The following KCNIP1 variants were observed in gnomAD, a reference collection of about 807,000 sequenced individuals.
The protein encoded by KCNIP1 is potassium voltage-gated channel interacting protein 1.
In KCNIP1, 18 loss-of-function variants were observed where a neutral mutation model predicts 33.0. That is an observed-to-expected ratio of 0.55 (90% confidence interval 0.38 to 0.81). The LOEUF (loss-of-function observed/expected upper bound fraction) is 0.81. Ranked by LOEUF, KCNIP1 falls within the 30% of genes least tolerant of loss-of-function variation. The pLI, the probability that KCNIP1 is intolerant of heterozygous loss-of-function variation, is 0.00. For missense variants in KCNIP1, 238 were observed against 271.6 expected, an observed-to-expected ratio of 0.88 and a Z score of 0.87; for synonymous variants, 93 against 98.3, an observed-to-expected ratio of 0.95 and a Z score of 0.32.
chr5:170,523,184 G>T (rs1431210484), intron 1 of KCNIP1, among the ~76,000 whole-genome samples: 1 of 152,144 alleles, frequency 6.6e-6, no homozygotes, highest in Admixed American at 6.5e-5. Flanking sequence ...GCCCCACCCT[G>T]CCACCGGAAG....
intron 1 of KCNIP1, among the ~76,000 whole-genome samples, chr5:170,449,840 T>C (rs893351467): frequency 1.3e-5 from 2 of 152,030 alleles, no homozygotes; most frequent in East Asian, 3.9e-4. Context: ...GAAGCAGTCA[T>C]ATAGGGCCTG....
chr5:170,558,160 A>G (rs900511422), intron 1 of KCNIP1, among the ~76,000 whole-genome samples: 1 of 152,162 alleles, frequency 6.6e-6, no homozygotes, highest in African/African-American at 2.4e-5. Flanking sequence ...TCCCCAGGTA[A>G]TGTGACAATG....
chr5:170,622,615 T>C (rs1427136336), intron 1 of KCNIP1, among the ~76,000 whole-genome samples: 1 of 126,750 alleles, frequency 7.9e-6, no homozygotes. Context: ...AGCGTGAGAC[T>C]CTGTCTCAAA....
intron 1 of KCNIP1, among the ~76,000 whole-genome samples, chr5:170,612,691 G>T (rs867323379): frequency 2.6e-5 from 4 of 152,210 alleles, no homozygotes; most frequent in South Asian, 4.1e-4. Context: ...AGAACAGACG[G>T]ATCGCCCTGC....
chr5:170,691,094 G>A (rs1762702884), intron 1 of KCNIP1, among the ~76,000 whole-genome samples: 1 of 152,208 alleles, frequency 6.6e-6, no homozygotes, highest in Non-Finnish European at 1.5e-5. Flanking sequence ...ACCTAGCCAA[G>A]GCTACAGCAT....
intron 1 of KCNIP1, among the ~76,000 whole-genome samples, chr5:170,469,028 A>C (rs1010644731): frequency 2.0e-5 from 3 of 152,166 alleles, no homozygotes; most frequent in Middle Eastern, 3.2e-3. Context: ...TAAGCATAGA[A>C]TCTCTCCCCA....
At chr5:170,552,801 C>T (rs115683160) in intron 1 of KCNIP1, among the ~76,000 whole-genome samples, 3,221 of 152,322 alleles carry the variant, frequency 0.021, 119 homozygotes, top group African/African-American at 0.073. Context: ...CAAGTTCAGC[C>T]GTGCTGCAGG....
At chr5:170,721,629 A>G in intron 3 of KCNIP1, 1 of 955,804 alleles carries the variant, frequency 1.0e-6, no homozygotes, top group South Asian at 1.6e-5. Context: ...GGGAGGGGCA[A>G]GGGCTCATCT....
chr5:170,709,264 C>T (rs1043206210), intron 1 of KCNIP1, among the ~76,000 whole-genome samples: 3 of 152,150 alleles, frequency 2.0e-5, no homozygotes, highest in Non-Finnish European at 1.5e-5. Context: ...CCAATTATGA[C>T]TGTGAATTTA....
chr5:170,625,591 C>T (rs775661756), intron 1 of KCNIP1, among the ~76,000 whole-genome samples: 2 of 152,230 alleles, frequency 1.3e-5, no homozygotes, highest in Non-Finnish European at 2.9e-5. Flanking sequence ...CTTTCACTGA[C>T]ATATCTGGGA....
chr5:170,476,093 C>T (rs1756851965), intron 1 of KCNIP1, among the ~76,000 whole-genome samples: 1 of 152,122 alleles, frequency 6.6e-6, no homozygotes, highest in South Asian at 2.1e-4. Flanking sequence ...ACCTCAGCCT[C>T]CTGACTAGCT....
intron 1 of KCNIP1, among the ~76,000 whole-genome samples, chr5:170,496,097 C>T (rs1757306255): frequency 6.6e-6 from 1 of 152,186 alleles, no homozygotes; most frequent in African/African-American, 2.4e-5. Flanking sequence ...CTCCTCCCCT[C>T]CCTGCTCACT....
intron 1 of KCNIP1, chr5:170,383,362 CTT>C (rs1384540027): frequency 1.7e-6 from 1 of 592,012 alleles, no homozygotes. Flanking sequence ...AAGCGTGGCA[CTT>C]TATATACAGC....
intron 1 of KCNIP1, among the ~76,000 whole-genome samples, chr5:170,591,715 T>C (rs1758269408): frequency 6.6e-6 from 1 of 152,256 alleles, no homozygotes; most frequent in South Asian, 2.1e-4. Context: ...GTACCCTGGC[T>C]TATTTCATTT....
chr5:170,543,211 A>G (rs1461167834), intron 1 of KCNIP1, among the ~76,000 whole-genome samples: 1 of 152,362 alleles, frequency 6.6e-6, no homozygotes, highest in African/African-American at 2.4e-5. Flanking sequence ...GTTCACGCCT[A>G]TGTAAATACT....
At chr5:170,495,304 G>A (rs1038919979) in intron 1 of KCNIP1, among the ~76,000 whole-genome samples, 2 of 152,160 alleles carry the variant, frequency 1.3e-5, no homozygotes, top group Non-Finnish European at 2.9e-5. Flanking sequence ...GGCCTCCCAG[G>A]CTCTAGGAGG....
At chr5:170,467,333 A>G (rs2113123830) in intron 1 of KCNIP1, among the ~76,000 whole-genome samples, 1 of 152,326 alleles carries the variant, frequency 6.6e-6, no homozygotes, top group South Asian at 2.1e-4. Context: ...AATTAGATCT[A>G]TATGAGAGAA....
At chr5:170,426,274 A>ACACACACACAC (rs371118514) in intron 1 of KCNIP1, among the ~76,000 whole-genome samples, 5 of 56,710 alleles carry the variant, frequency 8.8e-5, no homozygotes, top group Admixed American at 1.8e-4. Flanking sequence ...CACACACACA[A>ACACACACACAC]ACACACACAC....
intron 1 of KCNIP1, among the ~76,000 whole-genome samples, chr5:170,369,655 C>G (rs1029191553): frequency 6.6e-6 from 1 of 152,236 alleles, no homozygotes; most frequent in Non-Finnish European, 1.5e-5. Context: ...TTAAAGAAAA[C>G]TCTTCTCATC....
Sources: gnomAD v4.1 joint callset for allele counts (sites outside exome capture counted in the v4.1 genomes callset) on GRCh38, gnomAD v4.1.1 for gene constraint, MANE v1.5 for transcripts, NCBI Gene and HGNC (gene_info 2026-07-23, HGNC 2026-07-21) for gene names.